EGFR: variants seen among roughly 807,000 people sequenced by gnomAD.
EGFR encodes epidermal growth factor receptor.
Under a neutral mutation model 143.0 loss-of-function variants are expected in EGFR, and 58 were observed. The ratio of observed to expected loss-of-function variants is 0.41; its 90% confidence interval spans 0.33 to 0.50. The LOEUF is 0.50. EGFR is among the 20% of genes least tolerant of loss of function. The pLI is 0.39. For synonymous variants in EGFR, 613 were observed against 594.4 expected (o/e 1.03, Z -0.45); for missense variants, 1,307 against 1,579.0 (o/e 0.83, Z 2.92).
intron 1 of EGFR, among the ~76,000 whole-genome samples, chr7:55,070,220 C>T (rs1327163687): frequency 7.9e-5 from 12 of 152,172 alleles, no homozygotes; most frequent in Admixed American, 2.6e-4. Flanking sequence ...CTATCTTTTC[C>T]GAGCAATGAA....
At chr7:55,130,012 G>C (rs796903018) in intron 1 of EGFR, among the ~76,000 whole-genome samples, 1 of 152,174 alleles carries the variant, frequency 6.6e-6, no homozygotes, top group Non-Finnish European at 1.5e-5. Flanking sequence ...CTGTGGCTGC[G>C]TTCACACTAT....
chr7:55,102,157 C>A (rs1180906869), intron 1 of EGFR, among the ~76,000 whole-genome samples: 12 of 152,180 alleles, frequency 7.9e-5, no homozygotes, highest in Admixed American at 7.8e-4. Flanking sequence ...GACCCACCCC[C>A]ACTCATCACC....
intron 4 of EGFR, among the ~76,000 whole-genome samples, chr7:55,147,800 G>A (rs1470171967): frequency 2.0e-5 from 3 of 152,168 alleles, no homozygotes; most frequent in Non-Finnish European, 4.4e-5. Context: ...CCCAGCCTCT[G>A]GCCCTGGCAG....
chr7:55,106,687 C>T (rs1792152023), intron 1 of EGFR, among the ~76,000 whole-genome samples: 2 of 152,206 alleles, frequency 1.3e-5, no homozygotes. Flanking sequence ...CTAGTCCTGA[C>T]TCTAATTCTA....
intron 1 of EGFR, among the ~76,000 whole-genome samples, chr7:55,069,998 C>T (rs976103807): frequency 1.4e-4 from 22 of 152,260 alleles, no homozygotes; most frequent in African/African-American, 4.8e-4. Flanking sequence ...TGAGAAATTA[C>T]CTGAAGTATC....
intron 26 of EGFR, among the ~76,000 whole-genome samples, chr7:55,202,105 G>A (rs1227690113): frequency 6.6e-6 from 1 of 152,194 alleles, no homozygotes; most frequent in African/African-American, 2.4e-5. Context: ...CTGTTGAAGT[G>A]TGAGGCCGTG....
intron 1 of EGFR, among the ~76,000 whole-genome samples, chr7:55,103,142 A>T (rs1791922305): frequency 6.6e-6 from 1 of 152,166 alleles, no homozygotes; most frequent in African/African-American, 2.4e-5. Context: ...TTTCTTCCTC[A>T]GGAGGGTGAG....
intron 1 of EGFR, among the ~76,000 whole-genome samples, chr7:55,076,562 T>C (rs187145102): frequency 1.3e-5 from 2 of 152,298 alleles, no homozygotes; most frequent in Admixed American, 1.3e-4. Context: ...TTTTTACACA[T>C]ACACACCAAC....
At chr7:55,085,465 C>T (rs1032251697) in intron 1 of EGFR, among the ~76,000 whole-genome samples, 16 of 152,228 alleles carry the variant, frequency 1.1e-4, no homozygotes, top group Admixed American at 9.2e-4. Flanking sequence ...TGTGCACGCC[C>T]TCTTGTAGAG....
intron 1 of EGFR, among the ~76,000 whole-genome samples, chr7:55,033,771 C>T (rs532228912): frequency 2.4e-4 from 37 of 152,192 alleles, no homozygotes; most frequent in Non-Finnish European, 4.4e-4. Flanking sequence ...GCCTCCATGG[C>T]GGGACTCTCA....
chr7:55,198,681 A>G, intron 22 of EGFR, 36 bp from the exon 23 acceptor site: 1 of 1,613,990 alleles, frequency 6.2e-7, no homozygotes, highest in Non-Finnish European at 8.5e-7. Context: ...TTCATTCATG[A>G]TCCCACTGCC....
At position 55,209,813 on chromosome 7, in the gene EGFR, A is replaced by T. The variant is rs1057239617; in HGVS notation, c.*4196A>T. 3 of 152,152 alleles carry T rather than the reference A, an allele frequency of 2.0e-5. No homozygotes were observed. The highest frequency in any genetic ancestry group is 6.5e-5 in the Admixed American group (1 of 15,280). The allele number at this position is 152,152 out of a possible 1,614,324, so 9.4% of individuals were successfully genotyped here. A position where few individuals can be genotyped will look rare whatever the true frequency, so the allele number is the denominator to read the frequency against. On this transcript the variant is annotated 3_prime_UTR_variant, in exon 28 of 28. Transcript: ENST00000275493. Reference sequence around the variant, plus strand: ...GAACTTTGTACAATATATTTTTAGAAACTCATTTTTCTACTAAAACAAACA... The same window carrying T: ...GAACTTTGTACAATATATTTTTAGATACTCATTTTTCTACTAAAACAAACA...
At chr7:55,078,384 G>A (rs1200556708) in intron 1 of EGFR, among the ~76,000 whole-genome samples, 1 of 150,744 alleles carries the variant, frequency 6.6e-6, no homozygotes, top group East Asian at 2.0e-4. Context: ...CCCATCCCCA[G>A]GGTACCACGC....
chr7:55,102,933 A>C (rs920108257), intron 1 of EGFR, among the ~76,000 whole-genome samples: 1 of 152,240 alleles, frequency 6.6e-6, no homozygotes, highest in African/African-American at 2.4e-5. Context: ...CATCTTTGAA[A>C]GAGGAACATT....
chr7:55,071,652 C>A (rs1355439903), intron 1 of EGFR, among the ~76,000 whole-genome samples: 1 of 152,148 alleles, frequency 6.6e-6, no homozygotes, highest in Non-Finnish European at 1.5e-5. Flanking sequence ...GGTGTGCCTG[C>A]GTAGGCACAC....
intron 20 of EGFR, among the ~76,000 whole-genome samples, chr7:55,188,172 T>A (rs1463699240): frequency 6.6e-6 from 1 of 152,184 alleles, no homozygotes; most frequent in South Asian, 2.1e-4. Flanking sequence ...AGGAAAGCCC[T>A]CCACTCCACC....
chr7:55,172,963 G>C lies in EGFR; in HGVS notation c.1920-20G>C, dbSNP rs1453213138. On this transcript the variant is annotated intron_variant, in intron 16 of 27. Transcript: ENST00000275493. ...TCTGTCAGCAACCTCACCCTTCCTT[G>C]TTCCTCCACCTCATTCCAGGCCTAA... 1.2e-6 allele frequency: 2 copies of C among 1,614,154 alleles called. No homozygotes were observed. Among genetic ancestry groups the C allele is most frequent in the Non-Finnish European group, 1.7e-6 (2 of 1,180,028 alleles).
intron 18 of EGFR, among the ~76,000 whole-genome samples, chr7:55,174,469 C>T (rs758026388): frequency 2.4e-4 from 37 of 152,352 alleles, no homozygotes; most frequent in Non-Finnish European, 2.6e-4. Context: ...ATGATCCACA[C>T]GGACTTTATA....
chr7:55,141,935 C>T (rs1443072689), intron 1 of EGFR, among the ~76,000 whole-genome samples: 1 of 152,196 alleles, frequency 6.6e-6, no homozygotes, highest in Admixed American at 6.5e-5. Flanking sequence ...TTTTCATCTA[C>T]CACCCACCCC....
Sources: gnomAD v4.1 joint callset for allele counts (sites outside exome capture counted in the v4.1 genomes callset) on GRCh38, gnomAD v4.1.1 for gene constraint, MANE v1.5 for transcripts, NCBI Gene and HGNC (gene_info 2026-07-23, HGNC 2026-07-21) for gene names.